The following ARID1B variants were observed in gnomAD, a reference collection of about 807,000 sequenced individuals.
ARID1B encodes the protein AT-rich interactive domain-containing protein 1B.
A neutral mutation model predicts 212.3 loss-of-function variants in ARID1B; 30 were observed. The observed-to-expected ratio is 0.14, with a 90% confidence interval of 0.11 to 0.19. The LOEUF is 0.19. Ranked by LOEUF, ARID1B falls within the 10% of genes least tolerant of loss-of-function variation. ARID1B has a pLI of 1.00. For missense variants in ARID1B, 2,891 were observed against 3,204.0 expected, an observed-to-expected ratio of 0.90 and a Z score of 2.36; for synonymous variants, 1,402 against 1,301.7, an observed-to-expected ratio of 1.08 and a Z score of -1.66.
intron 2 of ARID1B, among the ~76,000 whole-genome samples, chr6:156,855,871 C>T (rs1225207405): frequency 2.6e-5 from 4 of 152,168 alleles, no homozygotes; most frequent in African/African-American, 9.7e-5. Flanking sequence ...GGGATGCTAT[C>T]ATACTTTTAT....
At chr6:156,825,534 A>T (rs1002400614) in intron 1 of ARID1B, among the ~76,000 whole-genome samples, 6 of 152,242 alleles carry the variant, frequency 3.9e-5, no homozygotes, top group African/African-American at 1.2e-4. Context: ...AATACAAAAC[A>T]ATTTTAGTCA....
At chr6:156,988,893 C>G (rs2128399694) in intron 4 of ARID1B, among the ~76,000 whole-genome samples, 1 of 152,312 alleles carries the variant, frequency 6.6e-6, no homozygotes, top group African/African-American at 2.4e-5. Flanking sequence ...ATGACAGTTG[C>G]ATATGTGCGT....
At chr6:156,980,825 A>G (rs1296226212) in intron 4 of ARID1B, among the ~76,000 whole-genome samples, 1 of 152,232 alleles carries the variant, frequency 6.6e-6, no homozygotes, top group Non-Finnish European at 1.5e-5. Context: ...GAGGCAGTGA[A>G]GAGCCCTTGA....
intron 6 of ARID1B, among the ~76,000 whole-genome samples, chr6:157,122,786 A>C (rs958438734): frequency 1.3e-4 from 19 of 151,992 alleles, no homozygotes; most frequent in African/African-American, 1.2e-4. Flanking sequence ...TCAAGTGATT[A>C]TCCTGCCTCA....
intron 4 of ARID1B, among the ~76,000 whole-genome samples, chr6:156,992,471 A>G (rs959303271): frequency 6.6e-6 from 1 of 152,210 alleles, no homozygotes. Context: ...TAGTGGTTCC[A>G]CAGCTTTGTT....
At chr6:156,813,999 T>G (rs1583089398) in intron 1 of ARID1B, among the ~76,000 whole-genome samples, 1 of 152,014 alleles carries the variant, frequency 6.6e-6, no homozygotes, top group Admixed American at 6.6e-5. Flanking sequence ...ACCACGAGAG[T>G]GGGTACAGTG....
At chr6:157,003,058 G>T (rs140173773) in intron 4 of ARID1B, among the ~76,000 whole-genome samples, 69 of 152,318 alleles carry the variant, frequency 4.5e-4, no homozygotes, top group African/African-American at 1.5e-3. Context: ...AGGCCGGGAG[G>T]ATGGTGGGGA....
At chr6:157,034,439 T>C (rs925439504) in intron 4 of ARID1B, among the ~76,000 whole-genome samples, 8 of 152,234 alleles carry the variant, frequency 5.3e-5, no homozygotes, top group African/African-American at 1.4e-4. Flanking sequence ...TTGTATATTC[T>C]TGTTTTAATC....
At chr6:156,974,542 C>T (rs1213628364) in intron 4 of ARID1B, among the ~76,000 whole-genome samples, 1 of 152,046 alleles carries the variant, frequency 6.6e-6, no homozygotes, top group African/African-American at 2.4e-5. Flanking sequence ...ACCAAAAACC[C>T]CCACATGTAC....
intron 4 of ARID1B, among the ~76,000 whole-genome samples, chr6:157,009,088 T>C (rs1017266737): frequency 3.3e-5 from 5 of 152,202 alleles, no homozygotes; most frequent in African/African-American, 1.2e-4. Flanking sequence ...TAAGATATTC[T>C]TCATATAGGG....
rs563806893 is a variant in ARID1B, at chr6:157,139,850, G to A, written c.2761+6643G>A. ...CAATTTTCCTGCATCAGCCTCTGGG[G>A]TAGCTAGGATTACAGGCGCCCACCA... On this transcript the variant is annotated intron_variant, in intron 7 of 19. Transcript: ENST00000636930. Among the ~76,000 whole-genome samples, 287 of 151,744 alleles carry A rather than the reference G, an allele frequency of 1.9e-3. 1 individual carries two copies. The highest frequency in any genetic ancestry group is 2.5e-3 in the Non-Finnish European group (172 of 67,920).
chr6:156,873,742 A>G (rs1485364330), intron 2 of ARID1B, among the ~76,000 whole-genome samples: 1 of 152,186 alleles, frequency 6.6e-6, no homozygotes, highest in Non-Finnish European at 1.5e-5. Context: ...TGTCTCCTGA[A>G]GGATGGCCCG....
At chr6:156,822,439 C>T (rs555933642) in intron 1 of ARID1B, among the ~76,000 whole-genome samples, 1 of 152,240 alleles carries the variant, frequency 6.6e-6, no homozygotes. Flanking sequence ...AGACTTGACT[C>T]TGGTCTGAGC....
chr6:157,021,348 G>A (rs1008069174), intron 4 of ARID1B, among the ~76,000 whole-genome samples: 8 of 152,242 alleles, frequency 5.3e-5, no homozygotes, highest in Admixed American at 3.9e-4. Context: ...GAATCCCCCG[G>A]GAGTGGGACC....
intron 5 of ARID1B, 46 bp downstream of exon 5, chr6:157,084,951 A>G (rs1583280533): frequency 1.9e-6 from 3 of 1,555,150 alleles, no homozygotes; most frequent in Non-Finnish European, 2.6e-6. Flanking sequence ...TGATAAAGAG[A>G]GATTTCATGT....
At chr6:156,849,591 C>T (rs1270179195) in intron 2 of ARID1B, among the ~76,000 whole-genome samples, 1 of 152,138 alleles carries the variant, frequency 6.6e-6, no homozygotes, top group Non-Finnish European at 1.5e-5. Flanking sequence ...TAAATCGTTA[C>T]AGTCTTTGCA....
intron 2 of ARID1B, among the ~76,000 whole-genome samples, chr6:156,836,202 C>T (rs150377525): frequency 6.6e-6 from 1 of 152,242 alleles, no homozygotes; most frequent in East Asian, 1.9e-4. Flanking sequence ...GATTAAGTGA[C>T]GTATCTTAGA....
chr6:156,929,484 C>G (rs1791521061), intron 3 of ARID1B, among the ~76,000 whole-genome samples: 1 of 152,090 alleles, frequency 6.6e-6, no homozygotes, highest in Non-Finnish European at 1.5e-5. Flanking sequence ...TGGGGATAGG[C>G]TTCTGTTTCC....
intron 4 of ARID1B, among the ~76,000 whole-genome samples, chr6:156,975,484 T>C (rs1225008019): frequency 2.6e-5 from 4 of 152,150 alleles, no homozygotes. Flanking sequence ...AAAATACCTT[T>C]AATTTTGCTG....
Sources: gnomAD v4.1 joint callset for allele counts (sites outside exome capture counted in the v4.1 genomes callset) on GRCh38, gnomAD v4.1.1 for gene constraint, MANE v1.5 for transcripts, NCBI Gene and HGNC (gene_info 2026-07-23, HGNC 2026-07-21) for gene names.